PAPPA2: variants seen among roughly 807,000 people sequenced by gnomAD.
PAPPA2 encodes pappalysin 2.
In PAPPA2, 86 loss-of-function variants were observed where a neutral mutation model predicts 176.4. That is an observed-to-expected ratio of 0.49 (90% CI 0.41 to 0.58). The LOEUF is 0.58. Among genes scored for constraint, PAPPA2 ranks in the 20% least tolerant of loss-of-function variants. The pLI, the probability that PAPPA2 is intolerant of heterozygous loss-of-function variation, is 0.00. For synonymous variants in PAPPA2, 809 were observed against 852.2 expected (o/e 0.95, Z 0.88); for missense variants, 2,073 against 2,256.9 (o/e 0.92, Z 1.65).
chr1:176,479,877 C>T (rs920578787), intron 1 of PAPPA2, among the ~76,000 whole-genome samples: 15 of 152,224 alleles, frequency 9.9e-5, no homozygotes, highest in African/African-American at 3.1e-4. Context: ...GTATTCCCCA[C>T]ATTTATAGCA....
intron 1 of PAPPA2, among the ~76,000 whole-genome samples, chr1:176,466,964 A>G (rs1043332264): frequency 6.6e-6 from 1 of 152,174 alleles, no homozygotes; most frequent in Non-Finnish European, 1.5e-5. Flanking sequence ...GGGAGGTCCA[A>G]CCCTTCTGCG....
chr1:176,626,010 G>A (rs1047837217), intron 3 of PAPPA2, among the ~76,000 whole-genome samples: 3 of 152,066 alleles, frequency 2.0e-5, no homozygotes, highest in Non-Finnish European at 4.4e-5. Flanking sequence ...GCAACAGAGT[G>A]AGACTCTGTC....
intron 1 of PAPPA2, among the ~76,000 whole-genome samples, chr1:176,501,873 T>C (rs1365747323): frequency 6.6e-6 from 1 of 152,200 alleles, no homozygotes; most frequent in East Asian, 1.9e-4. Context: ...AGCCTTCCTC[T>C]GAACCTTTTG....
intron 12 of PAPPA2, among the ~76,000 whole-genome samples, chr1:176,714,322 C>A (rs1020258911): frequency 2.0e-5 from 3 of 151,818 alleles, no homozygotes; most frequent in Non-Finnish European, 4.4e-5. Flanking sequence ...AGAGGCCATT[C>A]CAAATTATAA....
intron 3 of PAPPA2, among the ~76,000 whole-genome samples, chr1:176,670,701 G>C (rs1024739639): frequency 1.3e-5 from 2 of 152,150 alleles, no homozygotes; most frequent in Non-Finnish European, 2.9e-5. Flanking sequence ...GGCATAGGGT[G>C]GGGAATTGAG....
rs12745247 is a variant in PAPPA2 at position 176,467,503 on chromosome 1, A to G, written c.-917+4085A>G. On this transcript the variant is annotated intron_variant, in intron 1 of 22. Coordinates refer to ENST00000367662, the MANE Select transcript of PAPPA2 (RefSeq NM_020318.3). ...GAGAAGCTGCTTTCACATTAGGAAG[A>G]CTCTATGTAACAAGGATGGGTTCTG... Among the ~76,000 whole-genome samples the G allele has an allele frequency of 3.6e-3, 546 of 152,196 alleles. 1 individual carries two copies. Among genetic ancestry groups the G allele is most frequent in the Non-Finnish European group, 6.0e-3 (409 of 68,006 alleles).
At chr1:176,530,485 C>T (rs939427573) in intron 1 of PAPPA2, among the ~76,000 whole-genome samples, 1 of 152,294 alleles carries the variant, frequency 6.6e-6, no homozygotes, top group South Asian at 2.1e-4. Flanking sequence ...CTCTAGAGAT[C>T]CTGGCTTACT....
intron 2 of PAPPA2, among the ~76,000 whole-genome samples, chr1:176,566,268 T>G (rs1395436965): frequency 1.3e-5 from 2 of 152,032 alleles, no homozygotes; most frequent in African/African-American, 4.8e-5. Context: ...TCGTTTGGGG[T>G]GCAGGTGGGG....
intron 4 of PAPPA2, among the ~76,000 whole-genome samples, chr1:176,678,247 G>T (rs1159218942): frequency 8.5e-5 from 13 of 152,116 alleles, no homozygotes; most frequent in Admixed American, 8.5e-4. Context: ...CATTCTTAGA[G>T]TAACACCTAA....
intron 3 of PAPPA2, among the ~76,000 whole-genome samples, chr1:176,615,622 T>C (rs1158011418): frequency 6.6e-6 from 1 of 152,192 alleles, no homozygotes. Context: ...CCACCACGCC[T>C]GGCCTGGAGG....
intron 6 of PAPPA2, among the ~76,000 whole-genome samples, chr1:176,694,063 CA>C (rs1660246143): frequency 6.6e-6 from 1 of 152,146 alleles, no homozygotes. Context: ...ACATGTGTGT[CA>C]GGGGGACTCA....
At chr1:176,481,480 A>G (rs190830786) in intron 1 of PAPPA2, among the ~76,000 whole-genome samples, 2 of 152,190 alleles carry the variant, frequency 1.3e-5, no homozygotes, top group Admixed American at 6.5e-5. Flanking sequence ...GGTTTCCAGG[A>G]GAAAAACAGT....
intron 1 of PAPPA2, among the ~76,000 whole-genome samples, chr1:176,544,221 AG>A (rs1314554982): frequency 6.6e-6 from 1 of 152,190 alleles, no homozygotes; most frequent in Non-Finnish European, 1.5e-5. Flanking sequence ...GGTTGTTTGC[AG>A]TCTGTAATAG....
At chr1:176,768,275 A>G (rs1189654891) in intron 15 of PAPPA2, among the ~76,000 whole-genome samples, 1 of 151,756 alleles carries the variant, frequency 6.6e-6, no homozygotes, top group Non-Finnish European at 1.5e-5. Context: ...TCATTTTTCA[A>G]AGGCCAATCC....
intron 1 of PAPPA2, among the ~76,000 whole-genome samples, chr1:176,523,838 G>T (rs547066536): frequency 1.3e-5 from 2 of 152,316 alleles, no homozygotes; most frequent in South Asian, 4.1e-4. Context: ...GATTACTTAT[G>T]GCATAGTCCC....
chr1:176,774,724 C>T (rs1342627991), intron 17 of PAPPA2, among the ~76,000 whole-genome samples: 3 of 152,012 alleles, frequency 2.0e-5, no homozygotes, highest in African/African-American at 7.3e-5. Flanking sequence ...TGTTATTTCC[C>T]CACATGAAAA....
At chr1:176,830,227 GA>G (rs1245737749) in intron 21 of PAPPA2, among the ~76,000 whole-genome samples, 2 of 152,114 alleles carry the variant, frequency 1.3e-5, no homozygotes, top group Non-Finnish European at 2.9e-5. Context: ...TTTAAAAACA[GA>G]CAAACAAATA....
chr1:176,591,257 G>A (rs1653644735), intron 2 of PAPPA2, among the ~76,000 whole-genome samples: 1 of 152,078 alleles, frequency 6.6e-6, no homozygotes, highest in Admixed American at 6.6e-5. Context: ...TTATCTCTTG[G>A]AATTCTTTGG....
At chr1:176,692,363 G>T in intron 6 of PAPPA2, 45 bp downstream of exon 6, 1 of 1,515,662 alleles carries the variant, frequency 6.6e-7, no homozygotes, top group African/African-American at 1.4e-5. Flanking sequence ...ATTTCTCTGT[G>T]GCATTTCATA....
Sources: gnomAD v4.1 joint callset for allele counts (sites outside exome capture counted in the v4.1 genomes callset) on GRCh38, gnomAD v4.1.1 for gene constraint, MANE v1.5 for transcripts, NCBI Gene and HGNC (gene_info 2026-07-23, HGNC 2026-07-21) for gene names.